RIC3: variants seen among roughly 807,000 people sequenced by gnomAD.
The protein encoded by RIC3 is RIC3 acetylcholine receptor chaperone.
In RIC3, 28 loss-of-function variants were observed where a neutral mutation model predicts 27.3. The observed-to-expected ratio is 1.02, with a 90% CI of 0.76 to 1.41. The LOEUF (loss-of-function observed/expected upper bound fraction) is 1.41. Among genes scored for constraint, RIC3 ranks in the 40% most tolerant of loss-of-function variants. RIC3 has a pLI of 0.00. For synonymous variants in RIC3, 184 were observed against 160.4 expected (o/e 1.15, Z -1.11); for missense variants, 501 against 444.7 (o/e 1.13, Z -1.14).
intron 1 of RIC3, among the ~76,000 whole-genome samples, chr11:8,156,136 T>A (rs1950632988): frequency 6.6e-6 from 1 of 152,246 alleles, no homozygotes; most frequent in Non-Finnish European, 1.5e-5. Context: ...ACACACTCAA[T>A]ACACATCAAT....
the RIC3 span, among the ~76,000 whole-genome samples, chr11:8,095,250 A>G: frequency 5.3e-4 from 80 of 152,296 alleles, no homozygotes; most frequent in African/African-American, 1.9e-3. Flanking sequence ...TAAGGACGTG[A>G]GGTGTTGTAA....
intron 5 of RIC3, among the ~76,000 whole-genome samples, chr11:8,125,759 G>A (rs969393220): frequency 1.6e-4 from 24 of 152,236 alleles, no homozygotes; most frequent in African/African-American, 3.1e-4. Flanking sequence ...GGCCGGGCGC[G>A]GTGGCCCACA....
the RIC3 span, chr11:8,097,165 A>T: frequency 6.3e-7 from 1 of 1,582,436 alleles, no homozygotes; most frequent in South Asian, 1.1e-5. Context: ...TTTGGATCCC[A>T]GACCACCAAT....
chr11:8,126,900 G>T (rs770837104), intron 4 of RIC3, 93 bp from the exon 5 acceptor site: 4 of 1,459,528 alleles, frequency 2.7e-6, no homozygotes, highest in Non-Finnish European at 3.8e-6. Context: ...TACTGGAATA[G>T]AAAGTGCAAT....
intron 5 of RIC3, among the ~76,000 whole-genome samples, chr11:8,123,604 T>C (rs927679963): frequency 6.6e-6 from 1 of 152,166 alleles, no homozygotes; most frequent in African/African-American, 2.4e-5. Context: ...AACTTTATAC[T>C]AACAATAAAG....
intron 5 of RIC3, among the ~76,000 whole-genome samples, chr11:8,114,422 T>G (rs959958476): frequency 7.9e-5 from 12 of 151,830 alleles, no homozygotes; most frequent in African/African-American, 2.9e-4. Context: ...CTGGCCAACA[T>G]GGTAAAATCC....
chr11:8,152,709 C>T (rs1351743324), intron 1 of RIC3, among the ~76,000 whole-genome samples: 3 of 152,030 alleles, frequency 2.0e-5, no homozygotes, highest in African/African-American at 4.8e-5. Context: ...AGTGACTGTA[C>T]ATCTTAAATA....
At chr11:8,155,448 T>A (rs900986973) in intron 1 of RIC3, among the ~76,000 whole-genome samples, 1 of 151,856 alleles carries the variant, frequency 6.6e-6, no homozygotes, top group Admixed American at 6.6e-5. Flanking sequence ...TGGTGGCACA[T>A]GCCTATAATC....
chr11:8,158,118 T>C (rs1320760822), intron 1 of RIC3, among the ~76,000 whole-genome samples: 1 of 152,162 alleles, frequency 6.6e-6, no homozygotes, highest in Non-Finnish European at 1.5e-5. Flanking sequence ...AACACAGAAC[T>C]ATGTATGTAT....
chr11:8,094,604 C>T, the RIC3 span, among the ~76,000 whole-genome samples: 7 of 152,192 alleles, frequency 4.6e-5, no homozygotes, highest in South Asian at 4.1e-4. Flanking sequence ...GTCAGCTCTT[C>T]GTATAATGTG....
intron 1 of RIC3, among the ~76,000 whole-genome samples, chr11:8,166,043 C>T (rs891675714): frequency 1.3e-5 from 2 of 152,262 alleles, no homozygotes; most frequent in South Asian, 4.1e-4. Context: ...TCCACCACAG[C>T]CTTTCAAAAT....
chr11:8,163,563 A>T (rs1303972983), intron 1 of RIC3, among the ~76,000 whole-genome samples: 3 of 152,164 alleles, frequency 2.0e-5, no homozygotes, highest in African/African-American at 7.2e-5. Context: ...ACAAAAACTA[A>T]TTGTCTATAC....
chr11:8,160,193 G>C (rs1480123789), intron 1 of RIC3, among the ~76,000 whole-genome samples: 1 of 152,072 alleles, frequency 6.6e-6, no homozygotes, highest in Admixed American at 6.5e-5. Flanking sequence ...AGCATTTAAG[G>C]ATGAAAAATG....
chr11:8,110,184 T>A lies in RIC3; in HGVS notation c.*514A>T, dbSNP rs59468221. The A allele has an allele frequency of 0.042, 8,182 of 194,720 alleles. 289 individuals are homozygous for A. The highest frequency in any genetic ancestry group is 0.1 in the African/African-American group (4,328 of 42,496). 12.1% of individuals were successfully genotyped at this position (194,720 alleles called of 1,614,324 possible). A position where few individuals can be genotyped will look rare whatever the true frequency, so the allele number is the denominator to read the frequency against. Reference sequence around the variant, plus strand: ...AGAGGCTTCAGCTTAGACAGCAGAGTCTTACCCTCCTCTGGGCCCATTAGC... The same window carrying A: ...AGAGGCTTCAGCTTAGACAGCAGAGACTTACCCTCCTCTGGGCCCATTAGC... On this transcript the variant is annotated 3_prime_UTR_variant, in exon 6 of 6. Transcript: ENST00000309737.
intron 5 of RIC3, among the ~76,000 whole-genome samples, chr11:8,115,480 A>G (rs2133387241): frequency 6.6e-6 from 1 of 152,158 alleles, no homozygotes; most frequent in Non-Finnish European, 1.5e-5. Flanking sequence ...AGCAAGGGAC[A>G]CTATTCAGTA....
At chr11:8,147,960 C>T (rs1397799656) in intron 1 of RIC3, among the ~76,000 whole-genome samples, 1 of 152,096 alleles carries the variant, frequency 6.6e-6, no homozygotes. Flanking sequence ...CTCCTGACCT[C>T]ATGATCTGCC....
At chr11:8,096,898 T>G in the RIC3 span, 1 of 1,436,286 alleles carries the variant, frequency 7.0e-7, no homozygotes, top group East Asian at 2.3e-5. Context: ...CTCGTATGCC[T>G]TTAGGAGCTT....
chr11:8,098,207 T>TG, the RIC3 span, among the ~76,000 whole-genome samples: 8 of 121,960 alleles, frequency 6.6e-5, no homozygotes, highest in African/African-American at 2.6e-4. Context: ...ATCTTGGGGG[T>TG]GGGGGGCAGT....
intron 1 of RIC3, among the ~76,000 whole-genome samples, chr11:8,167,398 G>C (rs1481454004): frequency 6.6e-6 from 1 of 152,170 alleles, no homozygotes; most frequent in Non-Finnish European, 1.5e-5. Context: ...CTCTGAGGAG[G>C]TTTCATTTGA....
Sources: allele counts gnomAD v4.1 joint callset (sites outside exome capture counted in the v4.1 genomes callset), GRCh38; gene constraint gnomAD v4.1.1; transcripts MANE v1.5; gene names NCBI Gene and HGNC (gene_info 2026-07-23, HGNC 2026-07-21).